EFCAB13: variants seen among roughly 807,000 people sequenced by gnomAD.
EFCAB13 encodes the protein EF-hand calcium binding domain 13.
A neutral mutation model predicts 110.2 loss-of-function variants in EFCAB13; 91 were observed. The observed-to-expected ratio is 0.83, with a 90% CI of 0.70 to 0.98. The LOEUF is 0.98. Ranked by LOEUF, EFCAB13 falls within the 50% of genes least tolerant of loss-of-function variation. The pLI, the probability that EFCAB13 is intolerant of heterozygous loss-of-function variation, is 0.00. For synonymous variants in EFCAB13, 323 were observed against 369.9 expected (o/e 0.87, Z 1.45); for missense variants, 968 against 1,119.4 (o/e 0.86, Z 1.93).
chr17:47,391,469 A>T lies in EFCAB13; in HGVS notation c.1615A>T (p.Ile539Phe). Residue 539 changes from isoleucine (I) to phenylalanine (F), a missense_variant, in exon 15 of 25, where the codon ATT becomes TTT. Physicochemically the swap from Ile to Phe is conservative, Grantham distance 21. Coordinates refer to ENST00000331493, the MANE Select transcript of EFCAB13 (RefSeq NM_152347.5). ...TGGTGTCATTAAAGCCATTGATAAA[A>T]TTAAAGATAAAAATGTGGATTATGA... Reference protein sequence around the residue: ...LPGVIKAIDKIKDKNVDYEDL... With the variant: ...LPGVIKAIDKFKDKNVDYEDL... 1.3e-6 allele frequency: 2 copies of T among 1,581,576 alleles called. No homozygotes were observed. Among genetic ancestry groups the T allele is most frequent in the Non-Finnish European group, 1.7e-6 (2 of 1,167,642 alleles).
chr17:47,370,155 T>C (rs905713366), intron 10 of EFCAB13, among the ~76,000 whole-genome samples: 1 of 152,124 alleles, frequency 6.6e-6, no homozygotes, highest in Admixed American at 6.5e-5. Flanking sequence ...CTAAAAAACA[T>C]GTAAAATGAA....
At position 47,420,879 on chromosome 17, in the gene EFCAB13, GC is replaced by G. The variant is rs1218160302; in HGVS notation, c.2494+5963del. Among the ~76,000 whole-genome samples, 338 of 53,636 alleles carry G rather than the reference GC, an allele frequency of 6.3e-3. 2 individuals are homozygous for G. Among genetic ancestry groups the G allele is most frequent in the African/African-American group, 0.02 (329 of 16,818 alleles). 35.2% of individuals were successfully genotyped at this position (53,636 alleles called of 152,430 possible). A position where few individuals can be genotyped will look rare whatever the true frequency, so the allele number is the denominator to read the frequency against. ...AGGGAGGTGGGGGGGTCAGCCCCCC[GC>G]CCGGCCAGCCGCCCCGTCTGGGAGG... On this transcript the variant is annotated intron_variant, in intron 23 of 24. Coordinates refer to ENST00000331493, the MANE Select transcript of EFCAB13 (RefSeq NM_152347.5).
Position 47,336,592 on chromosome 17 carries a change from ATTTTTTTT to A in EFCAB13, c.191+1249_191+1256del, listed in dbSNP as rs66495523. On this transcript the variant is annotated intron_variant, in intron 5 of 24. Coordinates refer to ENST00000331493, the MANE Select transcript of EFCAB13 (RefSeq NM_152347.5). ...AGGCGTGAGCCACCGCACCTGGCCA[ATTTTTTTT>A]TTTTTTTTTTTTGTATTTTTAGTAG... Among the ~76,000 whole-genome samples the A allele has an allele frequency of 4.2e-5, 5 of 119,526 alleles. No homozygotes were observed. The East Asian group carries it at 1.2e-3, about 28-fold the overall frequency. The allele number at this position is 119,526 out of a possible 152,430, so 78.4% of individuals were successfully genotyped here.
At chr17:47,334,341 A>G (rs2065337043) in intron 4 of EFCAB13, among the ~76,000 whole-genome samples, 1 of 152,038 alleles carries the variant, frequency 6.6e-6, no homozygotes, top group African/African-American at 2.4e-5. Context: ...AGTTCTTTGT[A>G]TATTTTGGAT....
rs544712806 is a variant in EFCAB13 at position 47,337,495 on chromosome 17, A to T, written c.191+2139A>T. 1.2e-4 allele frequency among the ~76,000 whole-genome samples: 18 copies of T among 152,334 alleles called. No individual in the cohort carries two copies. The South Asian group carries it at 2.1e-3, about 18-fold the overall frequency. The stretch of plus-strand genomic sequence containing the variant: ...AAATATATAAAAATAAAAAAAATTT[A>T]AAAATGGGGTACAGGACAAATGTTT... On this transcript the variant is annotated intron_variant, in intron 5 of 24. Transcript: ENST00000331493.
intron 5 of EFCAB13, among the ~76,000 whole-genome samples, chr17:47,340,548 A>G (rs978214273): frequency 2.0e-5 from 3 of 152,052 alleles, no homozygotes; most frequent in Admixed American, 1.3e-4. Context: ...GATTGAAGGA[A>G]TGATAGATTT....
Position 47,431,580 on chromosome 17 carries a change from TTA to T in EFCAB13, c.2638+1622_2638+1623del, listed in dbSNP as rs1905116804. 6.6e-6 allele frequency among the ~76,000 whole-genome samples: 1 copy of T among 152,152 alleles called. No homozygotes were observed. The highest frequency in any genetic ancestry group is 2.4e-5 in the African/African-American group (1 of 41,454). On this transcript the variant is annotated intron_variant, in intron 24 of 24. Coordinates refer to ENST00000331493, the MANE Select transcript of EFCAB13 (RefSeq NM_152347.5). This position sits in a 1 kb window ranked among gnomAD's most constrained non-coding sequence, Gnocchi z 4.1. ...TCTTAATTTCCAAAAATTTGAGGTT[TTA>T]TAGTCATTACATTATTAATTTCTAG... is the stretch of plus-strand genomic sequence containing the variant.
intron 12 of EFCAB13, among the ~76,000 whole-genome samples, chr17:47,375,397 C>A (rs1204859711): frequency 6.6e-6 from 1 of 151,902 alleles, no homozygotes; most frequent in African/African-American, 2.4e-5. Context: ...TTCAAGTGAT[C>A]CTCCCACCTC....
At chr17:47,437,416 T>G (rs1025571705) in intron 24 of EFCAB13, among the ~76,000 whole-genome samples, 2 of 152,210 alleles carry the variant, frequency 1.3e-5, no homozygotes, top group Non-Finnish European at 2.9e-5. Context: ...GGTCTATTAG[T>G]AATTGTTTTG....
intron 14 of EFCAB13, among the ~76,000 whole-genome samples, chr17:47,390,732 T>A (rs952631309): frequency 1.3e-5 from 2 of 152,192 alleles, no homozygotes; most frequent in Non-Finnish European, 2.9e-5. Flanking sequence ...CTGCTTGTAT[T>A]TCTGCTACTG....
At chr17:47,338,464 G>C (rs2065364317) in intron 5 of EFCAB13, among the ~76,000 whole-genome samples, 1 of 151,874 alleles carries the variant, frequency 6.6e-6, no homozygotes. Context: ...TGCCCAGGCT[G>C]GTCTTGAACT....
chr17:47,389,972 G>T (rs1473115977), intron 14 of EFCAB13, among the ~76,000 whole-genome samples: 1 of 152,072 alleles, frequency 6.6e-6, no homozygotes, highest in African/African-American at 2.4e-5. Flanking sequence ...TTCTTTAAAA[G>T]AATCATCTTT....
intron 10 of EFCAB13, among the ~76,000 whole-genome samples, chr17:47,368,249 A>G (rs539137661): frequency 1.3e-5 from 2 of 152,312 alleles, no homozygotes; most frequent in South Asian, 2.1e-4. Context: ...ATGGCTCCAG[A>G]TGAGAATGGT....
At chr17:47,335,384 A>G in intron 5 of EFCAB13, 28 bp downstream of exon 5, 1 of 1,551,930 alleles carries the variant, frequency 6.4e-7, no homozygotes, top group Non-Finnish European at 8.7e-7. Flanking sequence ...AACTTACTTT[A>G]TTGAATTATA....
chr17:47,415,569 T>C (rs954690590), intron 23 of EFCAB13, among the ~76,000 whole-genome samples: 1 of 152,200 alleles, frequency 6.6e-6, no homozygotes, highest in Non-Finnish European at 1.5e-5. Context: ...GATTAATATG[T>C]GCAAGGTCCT....
chr17:47,351,296 TGTGTGTGTGCGC>T (rs929864589), intron 9 of EFCAB13, among the ~76,000 whole-genome samples: 6 of 140,414 alleles, frequency 4.3e-5, no homozygotes, highest in African/African-American at 7.9e-5. Flanking sequence ...TGTGTGTGTG[TGTGTGTGTGCGC>T]GCGCGCGCGC....
chr17:47,414,441 A>G (rs1332691979), intron 22 of EFCAB13, among the ~76,000 whole-genome samples: 1 of 150,964 alleles, frequency 6.6e-6, no homozygotes, highest in East Asian at 2.0e-4. Flanking sequence ...AGAACCTGGG[A>G]GGCGGAGCTT....
chr17:47,391,235 T>C (rs1474322611), intron 14 of EFCAB13, among the ~76,000 whole-genome samples: 1 of 152,166 alleles, frequency 6.6e-6, no homozygotes, highest in Admixed American at 6.5e-5. Flanking sequence ...CTACTGTGTG[T>C]GGCCTAGAAT....
rs2065796575 is a variant in EFCAB13 at position 47,404,681 on chromosome 17, A to C, written c.2233+48A>C. The C allele has an allele frequency of 2.1e-6, 3 of 1,420,152 alleles. No individual in the cohort carries two copies. In the South Asian group the frequency reaches 3.7e-5, roughly 18 times the overall value. 88.0% of individuals were successfully genotyped at this position (1,420,152 alleles called of 1,614,324 possible). On this transcript the variant is annotated intron_variant, in intron 20 of 24. Coordinates refer to ENST00000331493, the MANE Select transcript of EFCAB13 (RefSeq NM_152347.5). Reference sequence around the variant, plus strand: ...GTTAGAAGGCAATGATACAGAACTTATTCAAAGTTCACCTAGTAAAACCCT... The same window carrying C: ...GTTAGAAGGCAATGATACAGAACTTCTTCAAAGTTCACCTAGTAAAACCCT...
Sources: allele counts gnomAD v4.1 joint callset (sites outside exome capture counted in the v4.1 genomes callset), GRCh38; gene constraint gnomAD v4.1.1; non-coding constraint Gnocchi (gnomAD v3.1); transcripts MANE v1.5; gene names NCBI Gene and HGNC (gene_info 2026-07-23, HGNC 2026-07-21).